The following NAV3 variants were observed in gnomAD, a reference collection of about 807,000 sequenced individuals.
NAV3 encodes the protein neuron navigator 3.
A neutral mutation model predicts 244.7 loss-of-function variants in NAV3; 87 were observed. The ratio of observed to expected loss-of-function variants is 0.36; its 90% CI spans 0.30 to 0.42. NAV3 has a LOEUF of 0.42. NAV3 is among the 20% of genes least tolerant of loss of function. The pLI is 1.00. For synonymous variants in NAV3, 1,126 were observed against 1,042.2 expected, an observed-to-expected ratio of 1.08 and a Z score of -1.55; for missense variants, 2,663 against 2,893.3, an observed-to-expected ratio of 0.92 and a Z score of 1.83.
intron 12 of NAV3, among the ~76,000 whole-genome samples, chr12:78,110,186 C>T (rs1955016590): frequency 6.6e-6 from 1 of 152,036 alleles, no homozygotes; most frequent in East Asian, 1.9e-4. Flanking sequence ...AAAGTGATCC[C>T]ATTTAAATTA....
chr12:78,159,137 A>G, intron 22 of NAV3, 66 bp from the exon 23 acceptor site: 1 of 1,354,310 alleles, frequency 7.4e-7, no homozygotes, highest in Non-Finnish European at 1.0e-6. Context: ...TTGTAAAATG[A>G]AGGCTTTTCA....
chr12:77,934,521 GT>G (rs1377991199), intron 1 of NAV3, among the ~76,000 whole-genome samples: 3 of 152,140 alleles, frequency 2.0e-5, no homozygotes, highest in Admixed American at 2.0e-4. Flanking sequence ...TCTTAAATCT[GT>G]TCTAGGGCTC....
chr12:77,797,355 A>G (rs970566768), intron 2 of NAV3, among the ~76,000 whole-genome samples: 1 of 151,974 alleles, frequency 6.6e-6, no homozygotes, highest in Admixed American at 6.6e-5. Context: ...ATATGGTTTT[A>G]TATAAAACAG....
chr12:77,936,790 A>G (rs1213395924), intron 1 of NAV3, among the ~76,000 whole-genome samples: 5 of 152,102 alleles, frequency 3.3e-5, no homozygotes, highest in Non-Finnish European at 7.4e-5. Context: ...GGTTGTTTGT[A>G]TTCTCTCTCA....
At chr12:77,876,245 A>G (rs1234311048) in intron 1 of NAV3, among the ~76,000 whole-genome samples, 1 of 152,058 alleles carries the variant, frequency 6.6e-6, no homozygotes, top group Non-Finnish European at 1.5e-5. Flanking sequence ...TGAACTGGGC[A>G]TTCATTGTCT....
At position 77,914,633 on chromosome 12, in the gene NAV3, C is replaced by A. The variant is rs377197516; in HGVS notation, c.244-25686C>A. Among the ~76,000 whole-genome samples the A allele has an allele frequency of 2.0e-4, 31 of 152,098 alleles. 1 individual carries two copies. The highest frequency in any genetic ancestry group is 3.4e-3 in the Middle Eastern group (1 of 294). ...ACCTTTACTTCTTGCTTTTTCACCC[C>A]CTTTCATGATTATGGAGTGACAATA... On this transcript the variant is annotated intron_variant, in intron 1 of 39. Transcript: ENST00000397909.
chr12:78,098,575 A>G (rs1018796691), intron 12 of NAV3, among the ~76,000 whole-genome samples: 5 of 151,954 alleles, frequency 3.3e-5, no homozygotes, highest in Admixed American at 6.6e-5. Flanking sequence ...AAATTATATC[A>G]TAAAATTTTC....
intron 24 of NAV3, 131 bp from the exon 25 acceptor site, chr12:78,175,175 T>C: frequency 1.1e-6 from 1 of 903,824 alleles, no homozygotes; most frequent in Non-Finnish European, 1.6e-6. Context: ...AAGTCAAAAC[T>C]GCATTGAAAT....
chr12:77,630,662 C>A (rs771894325), intron 2 of NAV3, among the ~76,000 whole-genome samples: 1 of 151,948 alleles, frequency 6.6e-6, no homozygotes, highest in Non-Finnish European at 1.5e-5. Flanking sequence ...TTTTTCTTGG[C>A]GGTATTTTCC....
Position 78,118,045 on chromosome 12 carries a change from A to G in NAV3, c.2788A>G (p.Lys930Glu). 2 of 1,610,272 alleles carry G rather than the reference A, an allele frequency of 1.2e-6. No individual in the cohort carries two copies. The highest frequency in any genetic ancestry group is 1.7e-6 in the Non-Finnish European group (2 of 1,178,462). Residue 930 changes from lysine to glutamate, a missense_variant, in exon 14 of 40, where the codon AAA becomes GAA. This residue lies in a region of NAV3 where 1,521 missense variants were observed against 1,497.0 expected (regional missense o/e 1.02). Coordinates refer to ENST00000397909, the MANE Select transcript of NAV3 (RefSeq NM_001024383.2). ...KNTQLRTDSE[K>E]RSTTDETWDS... ...TTTATAGCTGAGGACAGATTCAGAG[A>G]AACGCTCCACCACAGACGAGACCTG...
At chr12:78,126,463 G>C (rs1955909378) in intron 16 of NAV3, among the ~76,000 whole-genome samples, 1 of 152,130 alleles carries the variant, frequency 6.6e-6, no homozygotes, top group Non-Finnish European at 1.5e-5. Flanking sequence ...TATTTTTAGA[G>C]AGGCCATTTC....
In NAV3 at chr12:77,800,331, G is replaced by A. The variant is rs1484628769; in HGVS notation, c.73-139988G>A. 6.6e-5 allele frequency among the ~76,000 whole-genome samples: 10 copies of A among 152,242 alleles called. No homozygotes were observed. In the East Asian group the frequency reaches 1.7e-3, roughly 26 times the overall value. On this transcript the variant is annotated intron_variant, in intron 2 of 8. Coordinates refer to the NAV3 transcript ENST00000550042. ...TCATTTTCCAAAGCTAAAGATCTGA[G>A]GGTTTTTAAACCTACAAATCACACC...
intron 35 of NAV3, among the ~76,000 whole-genome samples, 157 bp from the exon 36 acceptor site, chr12:78,198,448 G>A (rs1440919566): frequency 6.6e-6 from 1 of 151,868 alleles, no homozygotes; most frequent in Non-Finnish European, 1.5e-5. Flanking sequence ...TTCTAGTCCA[G>A]TGATCTTTGT....
intron 2 of NAV3, among the ~76,000 whole-genome samples, chr12:77,634,633 C>T (rs1407729271): frequency 6.6e-6 from 1 of 152,040 alleles, no homozygotes; most frequent in African/African-American, 2.4e-5. Flanking sequence ...AATTTTAGAA[C>T]AGGTGTCGCC....
At chr12:77,773,572 TA>T (rs1870204823) in intron 2 of NAV3, among the ~76,000 whole-genome samples, 1 of 151,986 alleles carries the variant, frequency 6.6e-6, no homozygotes, top group Non-Finnish European at 1.5e-5. Context: ...ATGGACTCAG[TA>T]AAAACTAAGA....
intron 12 of NAV3, among the ~76,000 whole-genome samples, chr12:78,073,116 A>C (rs1403482734): frequency 1.5e-5 from 2 of 131,410 alleles, no homozygotes; most frequent in East Asian, 2.2e-4. Context: ...ATTCCCTTTG[A>C]AAACTGGCAC....
At chr12:78,140,531 A>G (rs948131838) in intron 20 of NAV3, among the ~76,000 whole-genome samples, 197 bp downstream of exon 20, 1 of 152,158 alleles carries the variant, frequency 6.6e-6, no homozygotes, top group Admixed American at 6.6e-5. Flanking sequence ...GGTCACTTAC[A>G]TGTGCTTTCA....
chr12:77,983,683 A>G (rs1869968180), intron 5 of NAV3, among the ~76,000 whole-genome samples: 1 of 152,126 alleles, frequency 6.6e-6, no homozygotes, highest in Admixed American at 6.6e-5. Context: ...AAGAAAGGAG[A>G]GCTCAACACA....
chr12:78,171,961 C>G (rs1256393034), intron 24 of NAV3, among the ~76,000 whole-genome samples: 2 of 151,370 alleles, frequency 1.3e-5, no homozygotes, highest in East Asian at 3.9e-4. Flanking sequence ...TGACTATAGT[C>G]TATAATAAAA....
Sources: allele counts gnomAD v4.1 joint callset (sites outside exome capture counted in the v4.1 genomes callset), GRCh38; gene constraint gnomAD v4.1.1; regional missense constraint gnomAD v4.1.1; transcripts MANE v1.5; gene names NCBI Gene and HGNC (gene_info 2026-07-23, HGNC 2026-07-21).